Variants in BCAS3 observed in about 807,000 individuals in gnomAD.
The protein encoded by BCAS3 is BCAS4/BCAS3 fusion.
BCAS3 carries 53 observed loss-of-function variants against 116.1 expected under a neutral mutation model. That is an observed-to-expected ratio of 0.46 (90% CI 0.37 to 0.57). BCAS3 has a LOEUF of 0.57. Ranked by LOEUF, BCAS3 falls within the 20% of genes least tolerant of loss-of-function variation. The pLI, the probability that BCAS3 is intolerant of heterozygous loss-of-function variation, is 0.00. For synonymous variants in BCAS3, 391 were observed against 408.2 expected (o/e 0.96, Z 0.51); for missense variants, 917 against 1,165.4 (o/e 0.79, Z 3.10).
chr17:60,798,257 A>G (rs531075398), intron 6 of BCAS3, among the ~76,000 whole-genome samples: 24 of 152,310 alleles, frequency 1.6e-4, no homozygotes, highest in Non-Finnish European at 1.8e-4. Flanking sequence ...GCATTTCACA[A>G]ATGTATAGTG....
intron 6 of BCAS3, among the ~76,000 whole-genome samples, chr17:60,770,663 T>G (rs1488460296): frequency 6.6e-6 from 1 of 150,990 alleles, no homozygotes; most frequent in African/African-American, 2.4e-5. Flanking sequence ...GTGATCTGCC[T>G]GCTTCGGCCT....
chr17:61,168,098 T>G (rs969299769), intron 22 of BCAS3, among the ~76,000 whole-genome samples: 3 of 152,220 alleles, frequency 2.0e-5, no homozygotes, highest in African/African-American at 7.2e-5. Context: ...TTATGCCCAC[T>G]GACAAAATTA....
intron 22 of BCAS3, among the ~76,000 whole-genome samples, chr17:61,305,172 T>C (rs1391039713): frequency 2.0e-5 from 3 of 152,134 alleles, no homozygotes; most frequent in African/African-American, 7.2e-5. Context: ...GATAGAATAC[T>C]GGCCTTAGTC....
chr17:61,027,240 G>T, intron 16 of BCAS3: 1 of 430,522 alleles, frequency 2.3e-6, no homozygotes, highest in South Asian at 2.5e-5. Context: ...TATGGCATTA[G>T]AAGTTACCTA....
At chr17:61,223,457 C>A (rs1410253913) in intron 22 of BCAS3, among the ~76,000 whole-genome samples, 1 of 152,132 alleles carries the variant, frequency 6.6e-6, no homozygotes, top group Non-Finnish European at 1.5e-5. Context: ...CCACGCCCAG[C>A]CACAGAGCTG....
chr17:60,843,219 ATTT>A (rs10716314), intron 7 of BCAS3, among the ~76,000 whole-genome samples: 3 of 136,040 alleles, frequency 2.2e-5, no homozygotes, highest in Admixed American at 7.2e-5. Context: ...TTGTTTGTTA[ATTT>A]TTTTTTTTTT....
chr17:61,356,473 G>A lies in BCAS3; in HGVS notation c.2426-11854G>A, dbSNP rs2058145190. On this transcript the variant is annotated intron_variant, in intron 22 of 23. Coordinates refer to ENST00000407086, the MANE Select transcript of BCAS3 (RefSeq NM_017679.5). This position sits in a 1 kb window ranked among gnomAD's most constrained non-coding sequence, Gnocchi z 5.4. ...CTCTTGTTCCCTGAAGCACCTCCATGTTTGTTCTGAATGTGGAGCCAGTCG... is the reference window on the plus strand; with the variant it reads ...CTCTTGTTCCCTGAAGCACCTCCATATTTGTTCTGAATGTGGAGCCAGTCG... Among the ~76,000 whole-genome samples the A allele has an allele frequency of 4.6e-5, 7 of 152,344 alleles. No homozygotes were observed. In the South Asian group the frequency reaches 1.4e-3, roughly 32 times the overall value.
At chr17:60,954,514 T>G (rs1411672978) in intron 14 of BCAS3, among the ~76,000 whole-genome samples, 1 of 152,206 alleles carries the variant, frequency 6.6e-6, no homozygotes, top group African/African-American at 2.4e-5. Context: ...TAGGTAATCT[T>G]AGCCTTTAGC....
intron 13 of BCAS3, among the ~76,000 whole-genome samples, chr17:60,945,268 T>C (rs985451224): frequency 6.6e-6 from 1 of 152,166 alleles, no homozygotes. Context: ...TCAAGAAATA[T>C]GCTGTGTTAA....
chr17:61,174,312 C>A (rs2144133269), intron 22 of BCAS3, among the ~76,000 whole-genome samples: 1 of 152,310 alleles, frequency 6.6e-6, no homozygotes, highest in Non-Finnish European at 1.5e-5. Context: ...CTACATCTCA[C>A]CATTTTCCTC....
chr17:60,798,549 T>C (rs1241828938), intron 6 of BCAS3, among the ~76,000 whole-genome samples: 1 of 152,230 alleles, frequency 6.6e-6, no homozygotes, highest in Non-Finnish European at 1.5e-5. Context: ...TTTAGTCTGT[T>C]GTTTGGATAT....
chr17:61,093,059 A>G (rs1189275633), intron 22 of BCAS3, among the ~76,000 whole-genome samples: 2 of 151,696 alleles, frequency 1.3e-5, no homozygotes, highest in African/African-American at 4.8e-5. Context: ...GGTGCCCACT[A>G]CCACGCCCAG....
intron 23 of BCAS3, among the ~76,000 whole-genome samples, chr17:61,371,162 C>G (rs1177377990): frequency 6.6e-6 from 1 of 152,188 alleles, no homozygotes; most frequent in Non-Finnish European, 1.5e-5. Flanking sequence ...TGAAAACTTG[C>G]TCTCATGATC....
At position 60,889,700 on chromosome 17, in the gene BCAS3, T is replaced by C; in HGVS notation, c.667T>C (p.Tyr223His). ...FTKKFFVTSC[Y>H]PCPGPNMNPI... Reference sequence around the variant, plus strand: ...TGCCATTTGAAATTTTTCAGGCTGCTATCCATGTCCAGGGCCAAACATGAA... The same window carrying C: ...TGCCATTTGAAATTTTTCAGGCTGCCATCCATGTCCAGGGCCAAACATGAA... The change falls in exon 10 of 24, where the codon TAT becomes CAT. Residue 223 changes from tyrosine (Y) to histidine (H), a missense_variant. Transcript: ENST00000407086. The C allele has an allele frequency of 1.2e-6, 2 of 1,613,012 alleles. No homozygotes were observed. Among genetic ancestry groups the C allele is most frequent in the Non-Finnish European group, 1.7e-6 (2 of 1,179,656 alleles).
chr17:61,313,791 A>C lies in BCAS3; in HGVS notation c.2426-54536A>C, dbSNP rs1389520835. ...TCCAGGGCACAGGATAAAAATATAC[A>C]ACTGGAAAGGCAAGCTCCCAATTAA... is the stretch of plus-strand genomic sequence containing the variant. On this transcript the variant is annotated intron_variant, in intron 22 of 23. Coordinates refer to ENST00000407086, the MANE Select transcript of BCAS3 (RefSeq NM_017679.5). The surrounding 1 kb of genome is among the most constrained non-coding windows in gnomAD (Gnocchi z 4.3). Among the ~76,000 whole-genome samples, 4 of 152,210 alleles carry C rather than the reference A, an allele frequency of 2.6e-5. No homozygotes were observed. In the East Asian group the frequency reaches 7.7e-4, roughly 29 times the overall value.
chr17:60,681,204 T>TA (rs1263447291), intron 2 of BCAS3, among the ~76,000 whole-genome samples: 4 of 151,698 alleles, frequency 2.6e-5, no homozygotes, highest in African/African-American at 7.3e-5. Flanking sequence ...GACTGTGTCT[T>TA]AAAAAAAATA....
rs1048562635 is a variant in BCAS3 at position 61,315,369 on chromosome 17, T to A, written c.2426-52958T>A. ...CCTGACCTCAGGTGATCCGGCCGCC[T>A]CAGCCTCCCAAAGTGCTGGGATTAC... On this transcript the variant is annotated intron_variant, in intron 22 of 23. Transcript: ENST00000407086. This position sits in a 1 kb window ranked among gnomAD's most constrained non-coding sequence, Gnocchi z 5.3. 1.3e-5 allele frequency among the ~76,000 whole-genome samples: 2 copies of A among 152,138 alleles called. No homozygotes were observed. The highest frequency in any genetic ancestry group is 4.8e-5 in the African/African-American group (2 of 41,424).
Position 60,742,846 on chromosome 17 carries a change from G to A in BCAS3, c.322-4352G>A, listed in dbSNP as rs180719993. Among the ~76,000 whole-genome samples the A allele has an allele frequency of 2.3e-3, 347 of 151,966 alleles. 2 individuals are homozygous for A. In the Middle Eastern group the frequency reaches 0.024, roughly 10 times the overall value. Reference sequence around the variant, plus strand: ...GTAATATTTTCGGCCAGGCACGGTGGCTCACGCCTGTAATCCCAGCACTTT... The same window carrying A: ...GTAATATTTTCGGCCAGGCACGGTGACTCACGCCTGTAATCCCAGCACTTT... On this transcript the variant is annotated intron_variant, in intron 5 of 23. Transcript: ENST00000407086.
chr17:61,274,812 A>G (rs925900864), intron 22 of BCAS3, among the ~76,000 whole-genome samples: 1 of 152,140 alleles, frequency 6.6e-6, no homozygotes, highest in Admixed American at 6.5e-5. Flanking sequence ...GACTGTTTCT[A>G]TTGCTAGGAA....
Sources: allele counts gnomAD v4.1 joint callset (sites outside exome capture counted in the v4.1 genomes callset), GRCh38; gene constraint gnomAD v4.1.1; non-coding constraint Gnocchi (gnomAD v3.1); transcripts MANE v1.5; gene names NCBI Gene and HGNC (gene_info 2026-07-23, HGNC 2026-07-21).